The following CTNNA3 variants were observed in gnomAD, a reference collection of about 807,000 sequenced individuals.
CTNNA3 encodes catenin alpha-3.
In CTNNA3, 76 loss-of-function variants were observed where a neutral mutation model predicts 95.7. The ratio of observed to expected loss-of-function variants is 0.79; its 90% CI spans 0.66 to 0.96. CTNNA3 has a LOEUF of 0.96. CTNNA3 is among the 40% of genes least tolerant of loss of function. The pLI, the probability that CTNNA3 is intolerant of heterozygous loss-of-function variation, is 0.00. For synonymous variants in CTNNA3, 431 were observed against 374.4 expected (o/e 1.15, Z -1.74); for missense variants, 1,191 against 1,089.8 (o/e 1.09, Z -1.31).
intron 7 of CTNNA3, among the ~76,000 whole-genome samples, chr10:67,036,907 A>T (rs1467145732): frequency 6.6e-6 from 1 of 152,334 alleles, no homozygotes; most frequent in African/African-American, 2.4e-5. Context: ...AATGCATAAA[A>T]GAGGAAGGAA....
At chr10:67,247,328 T>C (rs7072730) in intron 5 of CTNNA3, among the ~76,000 whole-genome samples, 22,939 of 152,128 alleles carry the variant, frequency 0.15, 3,275 homozygotes, top group African/African-American at 0.38. Context: ...GCAAGATCAA[T>C]AGGCAAAAAT....
chr10:67,032,603 T>C (rs1853798938), intron 7 of CTNNA3, among the ~76,000 whole-genome samples: 1 of 152,180 alleles, frequency 6.6e-6, no homozygotes, highest in Admixed American at 6.5e-5. Flanking sequence ...CAGATGTTAT[T>C]GATGTAATTT....
At chr10:66,752,662 T>G (rs1217692884) in intron 9 of CTNNA3, among the ~76,000 whole-genome samples, 1 of 152,124 alleles carries the variant, frequency 6.6e-6, no homozygotes, top group South Asian at 2.1e-4. Context: ...ATAGAGAACA[T>G]ATTTATAAAT....
At chr10:67,262,422 A>T (rs1904609) in intron 5 of CTNNA3, among the ~76,000 whole-genome samples, 3,737 of 152,254 alleles carry the variant, frequency 0.025, 148 homozygotes, top group African/African-American at 0.084. Flanking sequence ...ACTAATGCAG[A>T]GTTTGAAAGG....
chr10:67,293,340 T>C (rs1248096905), intron 5 of CTNNA3, among the ~76,000 whole-genome samples: 2 of 152,180 alleles, frequency 1.3e-5, no homozygotes, highest in Non-Finnish European at 2.9e-5. Flanking sequence ...TCAATTTCTA[T>C]TACAGGGCAG....
intron 12 of CTNNA3, among the ~76,000 whole-genome samples, chr10:66,340,675 TTAAA>T (rs543813415): frequency 4.2e-4 from 64 of 151,868 alleles, no homozygotes; most frequent in African/African-American, 1.5e-3. Flanking sequence ...AGATAGTGTC[TTAAA>T]TAATATCTCA....
chr10:66,753,487 A>T (rs1228649432), intron 9 of CTNNA3, among the ~76,000 whole-genome samples: 1 of 151,920 alleles, frequency 6.6e-6, no homozygotes, highest in Admixed American at 6.6e-5. Flanking sequence ...ACATGGTGAA[A>T]CCCTGTCTCT....
intron 5 of CTNNA3, among the ~76,000 whole-genome samples, chr10:67,402,237 A>G (rs1844949698): frequency 6.6e-6 from 1 of 152,244 alleles, no homozygotes; most frequent in African/African-American, 2.4e-5. Context: ...ATTCTCACTT[A>G]AAGAGAGACA....
chr10:67,117,998 A>G (rs1410524391), intron 7 of CTNNA3, among the ~76,000 whole-genome samples: 2 of 152,002 alleles, frequency 1.3e-5, no homozygotes, highest in East Asian at 3.9e-4. Flanking sequence ...CAAATAATCA[A>G]CAAGAGCAAA....
At chr10:67,049,501 T>A (rs1403672025) in intron 7 of CTNNA3, among the ~76,000 whole-genome samples, 2 of 152,148 alleles carry the variant, frequency 1.3e-5, no homozygotes, top group Admixed American at 1.3e-4. Context: ...TACAAAAATT[T>A]ACTCACCCAG....
intron 7 of CTNNA3, among the ~76,000 whole-genome samples, chr10:67,113,793 CTT>C (rs1859027809): frequency 6.6e-6 from 1 of 152,168 alleles, no homozygotes; most frequent in African/African-American, 2.4e-5. Flanking sequence ...ATTTGGCTAA[CTT>C]TGTTAATAAA....
At chr10:66,605,738 C>T (rs1174478744) in intron 10 of CTNNA3, among the ~76,000 whole-genome samples, 4 of 152,094 alleles carry the variant, frequency 2.6e-5, no homozygotes, top group Non-Finnish European at 5.9e-5. Context: ...AAATAAGATC[C>T]TTTTCACACA....
Position 66,951,319 on chromosome 10 carries a change from T to G in CTNNA3, c.1048-175795A>C, listed in dbSNP as rs10997450. Among the ~76,000 whole-genome samples, 3,824 of 152,214 alleles carry G rather than the reference T, an allele frequency of 0.025. 388 individuals are homozygous for G. In the East Asian group the frequency reaches 0.36, roughly 14 times the overall value. ...TTAGTAGAGATGGGGTTTCACCATG[T>G]TGGCCAGGCTGGTCTCAAACTCCTG... On this transcript the variant is annotated intron_variant, in intron 7 of 17. Coordinates refer to ENST00000433211, the MANE Select transcript of CTNNA3 (RefSeq NM_013266.4).
At chr10:66,829,758 C>T (rs1842647442) in intron 7 of CTNNA3, among the ~76,000 whole-genome samples, 2 of 151,008 alleles carry the variant, frequency 1.3e-5, no homozygotes, top group Non-Finnish European at 1.5e-5. Flanking sequence ...CCTTAGACTA[C>T]AGCACCCATT....
chr10:66,315,905 A>G (rs2092094497), intron 12 of CTNNA3, among the ~76,000 whole-genome samples: 1 of 152,216 alleles, frequency 6.6e-6, no homozygotes, highest in East Asian at 1.9e-4. Context: ...AGTCAGTCAC[A>G]CCTTTATTCC....
chr10:66,116,072 C>T (rs1231954812), intron 13 of CTNNA3, among the ~76,000 whole-genome samples: 2 of 152,120 alleles, frequency 1.3e-5, no homozygotes, highest in Non-Finnish European at 2.9e-5. Context: ...ATTTGGACAA[C>T]ACCTAAGGAA....
chr10:66,017,998 T>G (rs1337042437), intron 15 of CTNNA3, among the ~76,000 whole-genome samples: 1 of 152,066 alleles, frequency 6.6e-6, no homozygotes, highest in East Asian at 1.9e-4. Context: ...GTACTATCTT[T>G]GCATCATCTT....
At chr10:66,007,017 C>A (rs936354070) in intron 15 of CTNNA3, among the ~76,000 whole-genome samples, 1 of 151,980 alleles carries the variant, frequency 6.6e-6, no homozygotes, top group Admixed American at 6.6e-5. Context: ...CTTTGGCATG[C>A]CCCCCGCACC....
intron 8 of CTNNA3, among the ~76,000 whole-genome samples, chr10:66,767,473 T>C (rs1047216260): frequency 6.7e-6 from 1 of 148,430 alleles, no homozygotes; most frequent in East Asian, 2.0e-4. Flanking sequence ...AAAAAAATCA[T>C]AATATCCTGA....
Sources: gnomAD v4.1 joint callset for allele counts (sites outside exome capture counted in the v4.1 genomes callset) on GRCh38, gnomAD v4.1.1 for gene constraint, MANE v1.5 for transcripts, NCBI Gene and HGNC (gene_info 2026-07-23, HGNC 2026-07-21) for gene names.